TNRC6B: variants seen among roughly 807,000 people sequenced by gnomAD.
TNRC6B encodes trinucleotide repeat-containing gene 6B protein.
In TNRC6B, 52 loss-of-function variants were observed where a neutral mutation model predicts 203.6. That is an observed-to-expected ratio of 0.26 (90% CI 0.20 to 0.32). TNRC6B has a LOEUF of 0.32. Ranked by LOEUF, TNRC6B falls within the 10% of genes least tolerant of loss-of-function variation. TNRC6B has a pLI of 1.00. For synonymous variants in TNRC6B, 838 were observed against 845.7 expected, an observed-to-expected ratio of 0.99 and a Z score of 0.16; for missense variants, 1,923 against 2,286.2, an observed-to-expected ratio of 0.84 and a Z score of 3.24.
chr22:40,247,048 C>CTGT (rs1388833280), intron 2 of TNRC6B, among the ~76,000 whole-genome samples: 1 of 152,188 alleles, frequency 6.6e-6, no homozygotes, highest in African/African-American at 2.4e-5. Flanking sequence ...CCTTACCTCC[C>CTGT]TGTTTGCCTC....
chr22:40,315,815 G>A (rs1253831423), intron 20 of TNRC6B, 127 bp from the exon 21 acceptor site: 1 of 765,574 alleles, frequency 1.3e-6, no homozygotes, highest in Non-Finnish European at 2.1e-6. Context: ...GAAGGTCAGA[G>A]TCCAGTGGAA....
chr22:40,293,964 A>G (rs1601497408), intron 12 of TNRC6B, among the ~76,000 whole-genome samples: 1 of 150,126 alleles, frequency 6.7e-6, no homozygotes, highest in Non-Finnish European at 1.5e-5. Flanking sequence ...AAAAAAGGCC[A>G]GGCACAGTGG....
intron 5 of TNRC6B, among the ~76,000 whole-genome samples, chr22:40,268,507 G>A (rs1012988789): frequency 6.6e-6 from 1 of 152,154 alleles, no homozygotes; most frequent in Non-Finnish European, 1.5e-5. Flanking sequence ...GGAAGGAAAT[G>A]AAGATTTCTC....
At chr22:40,064,557 T>C (rs758923375) in intron 1 of TNRC6B, among the ~76,000 whole-genome samples, 1 of 152,148 alleles carries the variant, frequency 6.6e-6, no homozygotes, top group Non-Finnish European at 1.5e-5. Context: ...GATTTTTGTA[T>C]ATTAAGCTAA....
At chr22:40,104,155 G>A (rs1569261479) in intron 1 of TNRC6B, among the ~76,000 whole-genome samples, 2 of 152,040 alleles carry the variant, frequency 1.3e-5, no homozygotes, top group Non-Finnish European at 2.9e-5. Flanking sequence ...GGAGGCTGAG[G>A]CAGGAGAATC....
At position 40,168,779 on chromosome 22, in the gene TNRC6B, AG is replaced by A. The variant is rs1262943362; in HGVS notation, c.113+12598del. The stretch of plus-strand genomic sequence containing the variant: ...TACCGAAGTTGGTAAAACTTGGAAA[AG>A]CCTTTGCCTTTCCCAGGTTCTCTCC... On this transcript the variant is annotated intron_variant, in intron 4 of 23. Transcript: ENST00000301923. Among the ~76,000 whole-genome samples the A allele has an allele frequency of 1.2e-4, 19 of 152,160 alleles. No individual in the cohort carries two copies. In the East Asian group the frequency reaches 1.3e-3, roughly 11 times the overall value.
intron 1 of TNRC6B, among the ~76,000 whole-genome samples, chr22:40,192,899 C>T (rs530208957): frequency 2.0e-5 from 3 of 152,292 alleles, no homozygotes; most frequent in Non-Finnish European, 4.4e-5. Flanking sequence ...GAGCTCAAGG[C>T]AGAAGCTTGG....
intron 1 of TNRC6B, among the ~76,000 whole-genome samples, chr22:40,223,902 T>C (rs1362833573): frequency 6.6e-6 from 1 of 152,192 alleles, no homozygotes. Flanking sequence ...TGTGAATGCC[T>C]TTTTCTGTGT....
upstream of TNRC6B, among the ~76,000 whole-genome samples, chr22:40,175,316 C>T (rs921052772): frequency 6.6e-6 from 1 of 152,028 alleles, no homozygotes; most frequent in Admixed American, 6.6e-5. Context: ...GATACCATGC[C>T]ACTGCACTCC....
intron 1 of TNRC6B, among the ~76,000 whole-genome samples, chr22:40,194,553 C>G (rs1569015652): frequency 6.6e-6 from 1 of 152,170 alleles, no homozygotes. Context: ...ACTGTCTCCT[C>G]CCTTTTAGAA....
intron 1 of TNRC6B, among the ~76,000 whole-genome samples, chr22:40,067,785 A>G (rs2067908652): frequency 6.6e-6 from 1 of 152,084 alleles, no homozygotes. Flanking sequence ...AGCCAATGGG[A>G]TAGTGCCTGC....
intron 1 of TNRC6B, among the ~76,000 whole-genome samples, chr22:40,093,963 C>T (rs1366638174): frequency 6.6e-6 from 1 of 152,062 alleles, no homozygotes; most frequent in African/African-American, 2.4e-5. Flanking sequence ...AGAATTGGCA[C>T]TTTTCTAACA....
chr22:40,323,287 A>G lies in TNRC6B; in HGVS notation c.*46A>G, dbSNP rs755964829. ...ACCTCGTGACCTTTTTTGGAACAGC[A>G]GCAGCACTAACTTGACCTTTTCGTT... On this transcript the variant is annotated 3_prime_UTR_variant, in exon 23 of 23. Coordinates refer to ENST00000454349, the MANE Select transcript of TNRC6B (RefSeq NM_001162501.2). The G allele has an allele frequency of 1.2e-4, 195 of 1,567,938 alleles. No homozygotes were observed. In the Middle Eastern group the frequency reaches 4.2e-3, roughly 34 times the overall value.
chr22:40,254,481 C>G (rs1170069624), intron 3 of TNRC6B, among the ~76,000 whole-genome samples: 1 of 152,118 alleles, frequency 6.6e-6, no homozygotes, highest in Non-Finnish European at 1.5e-5. Flanking sequence ...AATTATGCCA[C>G]TGTACTCCAG....
At chr22:40,128,480 A>T (rs2068513218) in intron 3 of TNRC6B, among the ~76,000 whole-genome samples, 1 of 151,880 alleles carries the variant, frequency 6.6e-6, no homozygotes, top group African/African-American at 2.4e-5. Flanking sequence ...TTTTTGTTCA[A>T]TATATTTTTT....
Position 40,261,860 on chromosome 22 carries a change from C to G in TNRC6B, c.144C>G (p.Ser48Arg). 1.3e-6 allele frequency: 2 copies of G among 1,579,958 alleles called. No individual in the cohort carries two copies. The highest frequency in any genetic ancestry group is 1.7e-6 in the Non-Finnish European group (2 of 1,152,550). ...KVPEVTKPSL[S>R]QPTAASPIGS... ...CCGAAGTGACGAAACCAAGTTTAAG[C>G]CAACCAACGGCCGCCAGCCCAATTG... Residue 48 changes from serine (S) to arginine (R), a missense_variant, in exon 4 of 23, where the codon AGC becomes AGG. By Grantham distance (110) the Ser-to-Arg change is moderately radical. Around this residue, in one of 8 missense-constraint regions of TNRC6B, gnomAD observed 111 missense variants for 155.3 expected, o/e 0.71. Coordinates refer to ENST00000454349, the MANE Select transcript of TNRC6B (RefSeq NM_001162501.2).
In TNRC6B at chr22:40,049,269, C is replaced by T. The variant is rs144574182; in HGVS notation, c.-121+4271C>T. ...CCATGTTGGCCAGGCTGGTCTCAAA[C>T]TCCCACCTCAGCCTCCCAAAGTGCT... On this transcript the variant is annotated intron_variant, in intron 1 of 23. Transcript: ENST00000301923. Among the ~76,000 whole-genome samples, 1,497 of 152,062 alleles carry T rather than the reference C, an allele frequency of 9.8e-3. 27 individuals are homozygous for T. The highest frequency in any genetic ancestry group is 0.034 in the African/African-American group (1,400 of 41,498).
intron 17 of TNRC6B, among the ~76,000 whole-genome samples, chr22:40,311,552 T>C (rs2071181962): frequency 6.6e-6 from 1 of 152,132 alleles, no homozygotes; most frequent in African/African-American, 2.4e-5. Flanking sequence ...AATTTTTTTT[T>C]TTTTTTGAAA....
chr22:40,288,778 T>A (rs2070826184), intron 12 of TNRC6B, among the ~76,000 whole-genome samples: 1 of 151,198 alleles, frequency 6.6e-6, no homozygotes, highest in Non-Finnish European at 1.5e-5. Context: ...CCTGACCTCC[T>A]GATCCACCCG....
Sources: gnomAD v4.1 joint callset for allele counts (sites outside exome capture counted in the v4.1 genomes callset) on GRCh38, gnomAD v4.1.1 for gene constraint, gnomAD v4.1.1 regional missense constraint, MANE v1.5 for transcripts, NCBI Gene and HGNC (gene_info 2026-07-23, HGNC 2026-07-21) for gene names.